The following ITGB5 variants were observed in gnomAD, a reference collection of about 807,000 sequenced individuals.
The protein encoded by ITGB5 is integrin subunit beta 5.
Under a neutral mutation model 84.8 loss-of-function variants are expected in ITGB5, and 38 were observed. The observed-to-expected ratio is 0.45, with a 90% CI of 0.35 to 0.59. The LOEUF (loss-of-function observed/expected upper bound fraction) is 0.59. ITGB5 is among the 20% of genes least tolerant of loss of function. ITGB5 has a pLI of 0.01. For synonymous variants in ITGB5, 393 were observed against 414.4 expected, an observed-to-expected ratio of 0.95 and a Z score of 0.63; for missense variants, 905 against 1,034.5, an observed-to-expected ratio of 0.87 and a Z score of 1.72.
intron 2 of ITGB5, among the ~76,000 whole-genome samples, chr3:124,860,048 G>A (rs848798): frequency 6.6e-6 from 1 of 152,012 alleles, no homozygotes; most frequent in African/African-American, 2.4e-5. Context: ...TCTTTCACAG[G>A]CATTGGATGC....
intron 4 of ITGB5, among the ~76,000 whole-genome samples, chr3:124,842,816 G>A (rs896684936): frequency 6.6e-6 from 1 of 152,192 alleles, no homozygotes; most frequent in Non-Finnish European, 1.5e-5. Context: ...GGGCAGGTCT[G>A]GGCAGGCTCC....
At chr3:124,870,243 AAC>A (rs1933931436) in intron 2 of ITGB5, among the ~76,000 whole-genome samples, 2 of 152,240 alleles carry the variant, frequency 1.3e-5, no homozygotes, top group Admixed American at 1.3e-4. Flanking sequence ...TTTAGTTGGT[AAC>A]AGGCATGAAA....
intron 9 of ITGB5, among the ~76,000 whole-genome samples, chr3:124,799,485 G>C (rs187223361): frequency 1.3e-5 from 2 of 152,188 alleles, no homozygotes; most frequent in Non-Finnish European, 2.9e-5. Context: ...GCTTGAGCCC[G>C]GGAGGGGGAG....
intron 1 of ITGB5, among the ~76,000 whole-genome samples, chr3:124,882,728 A>G (rs116578392): frequency 0.013 from 1,963 of 152,310 alleles, 59 homozygotes; most frequent in African/African-American, 0.043. Context: ...ATAACTAAAG[A>G]GAACAAGTTG....
At chr3:124,899,056 T>C (rs1349327137) in intron 1 of ITGB5, among the ~76,000 whole-genome samples, 3 of 147,268 alleles carry the variant, frequency 2.0e-5, no homozygotes, top group Non-Finnish European at 1.5e-5. Flanking sequence ...GCCTGGGTGA[T>C]AAGAGTGAGA....
intron 1 of ITGB5, among the ~76,000 whole-genome samples, chr3:124,877,402 G>T (rs1274576818): frequency 1.3e-5 from 2 of 152,008 alleles, no homozygotes; most frequent in African/African-American, 4.8e-5. Context: ...ATCACTATCT[G>T]CAGGGGAAAA....
In ITGB5 at chr3:124,887,043, GCGGGGGC is replaced by G; in HGVS notation, c.-50_-44del. 1.0e-6 allele frequency: 1 copy of G among 958,652 alleles called. No homozygotes were observed. The highest frequency in any genetic ancestry group is 1.3e-6 in the Non-Finnish European group (1 of 789,132). 59.4% of individuals were successfully genotyped at this position (958,652 alleles called of 1,614,324 possible). ...AGCGGCGGCGCGGTCGCTGCACTCCGCGGGGGCCGGCGGCCGGGGCTGGGGCCGGAGC... is the reference window on the plus strand; with the variant it reads ...AGCGGCGGCGCGGTCGCTGCACTCCGCGGCGGCCGGGGCTGGGGCCGGAGC... On this transcript the variant is annotated 5_prime_UTR_variant, in exon 1 of 15. The change abolishes the stop of an existing upstream ORF in the 5' untranslated region. Transcript: ENST00000296181.
At position 124,848,609 on chromosome 3, in the gene ITGB5, G is replaced by T. The variant is rs1485487782; in HGVS notation, c.362-51C>A. 1.9e-6 allele frequency: 3 copies of T among 1,560,644 alleles called. No homozygotes were observed. In the East Asian group the frequency reaches 6.8e-5, roughly 35 times the overall value. On this transcript the variant is annotated intron_variant, in intron 3 of 14. Transcript: ENST00000296181. The stretch of plus-strand genomic sequence containing the variant: ...GTTAGAGGTTGTGCAACCTGCTGAG[G>T]GCTGAGGGATGGGATTTGCTTTCAA...
chr3:124,801,451 T>C (rs1293795977), intron 9 of ITGB5, among the ~76,000 whole-genome samples: 2 of 152,192 alleles, frequency 1.3e-5, no homozygotes, highest in Middle Eastern at 3.4e-3. Flanking sequence ...TAGACATCTG[T>C]CTTGACCCAG....
At chr3:124,899,748 G>A (rs1330018887) in intron 1 of ITGB5, among the ~76,000 whole-genome samples, 4 of 150,634 alleles carry the variant, frequency 2.7e-5, no homozygotes, top group African/African-American at 9.8e-5. Flanking sequence ...CCACCACTCA[G>A]GAGGCTGAAG....
intron 8 of ITGB5, 155 bp from the exon 9 acceptor site, chr3:124,809,311 A>G: frequency 2.9e-6 from 2 of 684,574 alleles, no homozygotes; most frequent in Non-Finnish European, 5.0e-6. Flanking sequence ...GCCCTCCCTC[A>G]TCCTTTCCCT....
At chr3:124,836,000 T>G (rs986830626) in intron 5 of ITGB5, among the ~76,000 whole-genome samples, 6 of 152,166 alleles carry the variant, frequency 3.9e-5, no homozygotes, top group African/African-American at 1.4e-4. Context: ...GACCAAGTCC[T>G]CTGCGAGAAG....
chr3:124,819,803 T>A lies in ITGB5; in HGVS notation c.974A>T (p.Lys325Ile). The A allele has an allele frequency of 1.2e-6, 2 of 1,614,106 alleles. No individual in the cohort carries two copies. Among genetic ancestry groups the A allele is most frequent in the Non-Finnish European group, 1.7e-6 (2 of 1,179,956 alleles). The stretch of plus-strand genomic sequence containing the variant: ...GAGGTTGATGTTGTTCTCTGCCAAT[T>A]TCTCTCCAAGCAAGGCAAGGGATGG... ...DYPSLALLGE[K>I]LAENNINLIF... Residue 325 changes from lysine to isoleucine, a missense_variant, in exon 7 of 15, where the codon AAA (lysine) becomes ATA (isoleucine). This residue lies in a region of ITGB5 where 656 missense variants were observed against 734.7 expected (regional missense o/e 0.89). Transcript: ENST00000296181.
At chr3:124,807,712 G>A (rs1025824868) in intron 9 of ITGB5, among the ~76,000 whole-genome samples, 6 of 151,904 alleles carry the variant, frequency 3.9e-5, no homozygotes, top group African/African-American at 1.2e-4. Context: ...TTCGGAGGCC[G>A]AGGCGGGTGG....
chr3:124,808,553 G>A (rs546098125), intron 9 of ITGB5, among the ~76,000 whole-genome samples: 3 of 152,350 alleles, frequency 2.0e-5, no homozygotes, highest in East Asian at 1.9e-4. Flanking sequence ...CTCCACTGCT[G>A]TAGAGTCATC....
At chr3:124,798,055 C>CT (rs60292129) in intron 9 of ITGB5, among the ~76,000 whole-genome samples, 3,578 of 103,622 alleles carry the variant, frequency 0.035, 290 homozygotes, top group Non-Finnish European at 0.048. Context: ...TAGAATAAAG[C>CT]TTTTTTTTTT....
At chr3:124,796,239 G>A (rs924876118) in intron 10 of ITGB5, 149 bp downstream of exon 10, 7 of 734,072 alleles carry the variant, frequency 9.5e-6, no homozygotes, top group African/African-American at 3.5e-5. Flanking sequence ...TCCTGCCTAC[G>A]GGTAGCAAGG....
intron 4 of ITGB5, among the ~76,000 whole-genome samples, chr3:124,847,855 G>T (rs2065098414): frequency 6.6e-6 from 1 of 151,974 alleles, no homozygotes; most frequent in Non-Finnish European, 1.5e-5. Flanking sequence ...TTTAAAATAG[G>T]ATTTTAATCT....
chr3:124,886,457 C>T (rs930133025), intron 1 of ITGB5, among the ~76,000 whole-genome samples: 1 of 152,160 alleles, frequency 6.6e-6, no homozygotes, highest in Non-Finnish European at 1.5e-5. Context: ...GGCGAGCCCT[C>T]CGGAGTGGAG....
Sources: allele counts gnomAD v4.1 joint callset (sites outside exome capture counted in the v4.1 genomes callset), GRCh38; gene constraint gnomAD v4.1.1; regional missense constraint gnomAD v4.1.1; transcripts MANE v1.5; gene names NCBI Gene and HGNC (gene_info 2026-07-23, HGNC 2026-07-21).